OPA1: variants seen among roughly 807,000 people sequenced by gnomAD.
OPA1 encodes the protein dynamin-like GTPase OPA1, mitochondrial.
Under a neutral mutation model 152.9 loss-of-function variants are expected in OPA1, and 59 were observed. That is an observed-to-expected ratio of 0.39 (90% CI 0.31 to 0.48). OPA1 has a LOEUF of 0.48. OPA1 is among the 20% of genes least tolerant of loss of function. The pLI is 0.96. For synonymous variants in OPA1, 400 were observed against 389.9 expected, an observed-to-expected ratio of 1.03 and a Z score of -0.31; for missense variants, 1,008 against 1,216.8, an observed-to-expected ratio of 0.83 and a Z score of 2.55.
chr3:193,610,306 G>C (rs1351772249), intron 1 of OPA1, among the ~76,000 whole-genome samples: 1 of 152,212 alleles, frequency 6.6e-6, no homozygotes, highest in Non-Finnish European at 1.5e-5. Context: ...GTCCACTCCA[G>C]ACCATGTTTG....
chr3:193,635,362 T>A (rs906393574), intron 8 of OPA1, 56 bp from the exon 9 acceptor site: 16 of 1,021,366 alleles, frequency 1.6e-5, no homozygotes, highest in Non-Finnish European at 2.3e-5. Context: ...TTAGACTTAA[T>A]ACTATTTGAT....
chr3:193,678,659 A>G (rs533046121), intron 29 of OPA1, among the ~76,000 whole-genome samples: 4 of 152,284 alleles, frequency 2.6e-5, no homozygotes, highest in East Asian at 3.9e-4. Context: ...AATGAAACCT[A>G]TGGTACCCAT....
intron 1 of OPA1, among the ~76,000 whole-genome samples, chr3:193,610,753 G>A (rs1345424329): frequency 3.3e-5 from 5 of 152,206 alleles, no homozygotes; most frequent in South Asian, 2.1e-4. Flanking sequence ...CCCTCCCCCA[G>A]CCTCGCTGCC....
intron 21 of OPA1, among the ~76,000 whole-genome samples, chr3:193,653,587 G>A (rs1396901245): frequency 6.6e-6 from 1 of 152,026 alleles, no homozygotes; most frequent in Non-Finnish European, 1.5e-5. Context: ...GTTCTTTTAA[G>A]ATGTCTTTCA....
intron 8 of OPA1, among the ~76,000 whole-genome samples, chr3:193,634,840 C>G (rs750891306): frequency 6.6e-6 from 1 of 152,212 alleles, no homozygotes; most frequent in Non-Finnish European, 1.5e-5. Flanking sequence ...GTCAGGCTCT[C>G]AGATATTCCT....
chr3:193,633,222 T>C (rs1732386706), intron 8 of OPA1, among the ~76,000 whole-genome samples: 1 of 152,138 alleles, frequency 6.6e-6, no homozygotes, highest in Non-Finnish European at 1.5e-5. Flanking sequence ...CTTGACCCCA[T>C]CCCATACCTT....
At chr3:193,666,702 T>C (rs1417280314) in intron 28 of OPA1, among the ~76,000 whole-genome samples, 2 of 151,990 alleles carry the variant, frequency 1.3e-5, no homozygotes, top group East Asian at 3.9e-4. Context: ...GATGGGAGGA[T>C]CACTTGAGCC....
chr3:193,644,167 A>G (rs903442852), intron 16 of OPA1, 62 bp downstream of exon 16: 2 of 1,579,208 alleles, frequency 1.3e-6, no homozygotes, highest in African/African-American at 1.3e-5. Flanking sequence ...TGTGATAGGG[A>G]TTTGTTATTT....
intron 7 of OPA1, among the ~76,000 whole-genome samples, chr3:193,630,553 A>G (rs1198488677): frequency 7.9e-5 from 12 of 152,304 alleles, no homozygotes; most frequent in African/African-American, 2.6e-4. Flanking sequence ...TTTTTCATGT[A>G]TATTTGCTGC....
intron 29 of OPA1, among the ~76,000 whole-genome samples, chr3:193,672,621 C>A (rs1485203801): frequency 6.6e-6 from 1 of 152,108 alleles, no homozygotes; most frequent in East Asian, 1.9e-4. Flanking sequence ...GTAATCCCAG[C>A]ACTATGGGAG....
At chr3:193,639,287 G>T (rs182654445) in intron 11 of OPA1, among the ~76,000 whole-genome samples, 16 of 152,288 alleles carry the variant, frequency 1.1e-4, no homozygotes, top group Non-Finnish European at 2.9e-5. Context: ...ACAGATAATA[G>T]ATAATAAATA....
chr3:193,683,731 T>G (rs1720521948), intron 29 of OPA1, among the ~76,000 whole-genome samples: 1 of 152,310 alleles, frequency 6.6e-6, no homozygotes, highest in South Asian at 2.1e-4. Flanking sequence ...ATCCTTAGCA[T>G]TTGTTAGCAA....
At chr3:193,616,085 A>G (rs919220247) in intron 3 of OPA1, among the ~76,000 whole-genome samples, 1 of 152,160 alleles carries the variant, frequency 6.6e-6, no homozygotes, top group South Asian at 2.1e-4. Flanking sequence ...TTGGAATCAT[A>G]ACTCACTGCA....
intron 29 of OPA1, among the ~76,000 whole-genome samples, chr3:193,677,522 A>G (rs1719375065): frequency 6.6e-6 from 1 of 152,124 alleles, no homozygotes; most frequent in South Asian, 2.1e-4. Flanking sequence ...AAAACAATTC[A>G]TTGGACTCTG....
intron 29 of OPA1, among the ~76,000 whole-genome samples, chr3:193,681,409 G>A (rs531320565): frequency 4.3e-4 from 66 of 152,220 alleles, no homozygotes; most frequent in Non-Finnish European, 7.2e-4. Flanking sequence ...TATATCCTAC[G>A]CAAAAGATAA....
intron 1 of OPA1, among the ~76,000 whole-genome samples, chr3:193,594,768 A>C (rs955611406): frequency 1.3e-5 from 2 of 151,978 alleles, no homozygotes; most frequent in Admixed American, 1.3e-4. Flanking sequence ...TTAGTCAGTT[A>C]GAATTATTGC....
chr3:193,692,255 T>C, intron 30 of OPA1, 123 bp downstream of exon 30: 3 of 658,784 alleles, frequency 4.6e-6, no homozygotes, highest in Non-Finnish European at 8.3e-6. Flanking sequence ...TTCAATGGCA[T>C]GAATCTCTGA....
At chr3:193,640,024 G>A (rs1373630587) in intron 11 of OPA1, among the ~76,000 whole-genome samples, 1 of 152,148 alleles carries the variant, frequency 6.6e-6, no homozygotes, top group Non-Finnish European at 1.5e-5. Context: ...AAGTCTGTCA[G>A]TGGATCAGGT....
chr3:193,615,578 T>C, intron 2 of OPA1, 96 bp from the exon 3 acceptor site: 2 of 799,366 alleles, frequency 2.5e-6, no homozygotes, highest in Admixed American at 1.7e-5. Context: ...TAATACATTA[T>C]TCTTAGTAGA....
Sources: allele counts gnomAD v4.1 joint callset (sites outside exome capture counted in the v4.1 genomes callset), GRCh38; gene constraint gnomAD v4.1.1; transcripts MANE v1.5; gene names NCBI Gene and HGNC (gene_info 2026-07-23, HGNC 2026-07-21).